The following SEC23B variants were observed in gnomAD, a reference collection of about 807,000 sequenced individuals.
The protein encoded by SEC23B is SEC23 homolog B, COPII component.
In SEC23B, 77 loss-of-function variants were observed where a neutral mutation model predicts 104.3. The observed-to-expected ratio is 0.74, with a 90% CI of 0.61 to 0.89. The LOEUF is 0.89. SEC23B is among the 40% of genes least tolerant of loss of function. The pLI, the probability that SEC23B is intolerant of heterozygous loss-of-function variation, is 0.00. For synonymous variants in SEC23B, 338 were observed against 332.5 expected (o/e 1.02, Z -0.18); for missense variants, 885 against 949.4 (o/e 0.93, Z 0.89).
intron 4 of SEC23B, among the ~76,000 whole-genome samples, chr20:18,516,769 G>A (rs560082444): frequency 2.8e-4 from 43 of 151,826 alleles, no homozygotes; most frequent in African/African-American, 2.9e-4. Context: ...TAGCCAGGAT[G>A]GTCTCGTTCT....
At chr20:18,518,316 C>G (rs1054484303) in intron 4 of SEC23B, among the ~76,000 whole-genome samples, 3 of 152,172 alleles carry the variant, frequency 2.0e-5, no homozygotes, top group African/African-American at 7.2e-5. Context: ...TTTCCTGACT[C>G]AGGGCATGTG....
At chr20:18,514,362 G>T (rs2060006677) in intron 3 of SEC23B, among the ~76,000 whole-genome samples, 1 of 152,282 alleles carries the variant, frequency 6.6e-6, no homozygotes, top group East Asian at 1.9e-4. Context: ...TCCCTGCTGG[G>T]AGCTGCAGTC....
intron 19 of SEC23B, among the ~76,000 whole-genome samples, chr20:18,559,064 C>T (rs1229780963): frequency 2.7e-5 from 2 of 75,154 alleles, no homozygotes; most frequent in Non-Finnish European, 5.3e-5. Context: ...ACTACTCTGA[C>T]AGGGAAGGTG....
intron 14 of SEC23B, 101 bp from the exon 15 acceptor site, chr20:18,545,855 G>T (rs935406023): frequency 2.3e-5 from 18 of 781,372 alleles, no homozygotes; most frequent in Admixed American, 6.9e-5. Flanking sequence ...GTTCAGACTG[G>T]ATGTAGCTTA....
intron 17 of SEC23B, 62 bp downstream of exon 17, chr20:18,551,237 A>G (rs2060384792): frequency 4.6e-6 from 4 of 872,544 alleles, no homozygotes; most frequent in African/African-American, 1.7e-5. Context: ...AAAGGCATAC[A>G]CATTTAATGT....
chr20:18,557,199 C>T (rs2060447591), intron 19 of SEC23B, among the ~76,000 whole-genome samples: 1 of 152,086 alleles, frequency 6.6e-6, no homozygotes, highest in Non-Finnish European at 1.5e-5. Context: ...TCCTGCCTTC[C>T]CATGAGTTAT....
At chr20:18,545,481 C>T (rs1385108404) in intron 14 of SEC23B, among the ~76,000 whole-genome samples, 1 of 152,066 alleles carries the variant, frequency 6.6e-6, no homozygotes, top group Non-Finnish European at 1.5e-5. Flanking sequence ...GATGAACAGT[C>T]CAATTCTTTA....
At chr20:18,512,067 C>T (rs979115024) in intron 2 of SEC23B, among the ~76,000 whole-genome samples, 158 bp from the exon 3 acceptor site, 2 of 152,132 alleles carry the variant, frequency 1.3e-5, no homozygotes, top group African/African-American at 2.4e-5. Context: ...CTGCGGTGAA[C>T]GTTTTGCATA....
At chr20:18,542,455 T>G in intron 13 of SEC23B, 53 bp downstream of exon 13, 1 of 1,435,802 alleles carries the variant, frequency 7.0e-7, no homozygotes, top group South Asian at 1.1e-5. Flanking sequence ...ATTTTTCCCT[T>G]GAAGAGATAC....
At chr20:18,522,133 A>G (rs753454090) in intron 4 of SEC23B, among the ~76,000 whole-genome samples, 1 of 152,274 alleles carries the variant, frequency 6.6e-6, no homozygotes, top group Non-Finnish European at 1.5e-5. Flanking sequence ...GTAAGTTTAA[A>G]GAGAAGGGTA....
intron 10 of SEC23B, among the ~76,000 whole-genome samples, chr20:18,531,896 A>T (rs1342269307): frequency 1.7e-3 from 31 of 17,732 alleles, no homozygotes; most frequent in African/African-American, 2.5e-3. Flanking sequence ...CAAATGATTT[A>T]AAAAAAAAAA....
intron 4 of SEC23B, among the ~76,000 whole-genome samples, chr20:18,518,865 G>A (rs540823677): frequency 1.3e-5 from 2 of 152,212 alleles, no homozygotes; most frequent in Non-Finnish European, 2.9e-5. Flanking sequence ...TTTTATTAAA[G>A]AGACATTAAT....
At chr20:18,555,297 T>G in intron 19 of SEC23B, 124 bp downstream of exon 19, 1 of 810,294 alleles carries the variant, frequency 1.2e-6, no homozygotes, top group Non-Finnish European at 2.1e-6. Flanking sequence ...TTGGGTATTT[T>G]GCTGGGGAGT....
At chr20:18,560,521 G>C (rs538509435) in intron 19 of SEC23B, 130 bp from the exon 20 acceptor site, 5 of 740,104 alleles carry the variant, frequency 6.8e-6, no homozygotes, top group Non-Finnish European at 1.2e-5. Flanking sequence ...GGCAGAGGAT[G>C]GGGTGATGGG....
At position 18,551,205 on chromosome 20, in the gene SEC23B, CT is replaced by C. The variant is rs1568623344; in HGVS notation, c.1992+35del. 3.9e-6 allele frequency: 5 copies of C among 1,266,640 alleles called. No individual in the cohort carries two copies. In the African/African-American group the frequency reaches 7.5e-5, roughly 19 times the overall value. 78.5% of individuals were successfully genotyped at this position (1,266,640 alleles called of 1,614,324 possible). ...GATGATATTATTAATTAATTAATTT[CT>C]TTTTGTTTTTAAATTGGAGAAAAGG... On this transcript the variant is annotated intron_variant, in intron 17 of 19. Coordinates refer to ENST00000650089, the MANE Select transcript of SEC23B (RefSeq NM_006363.6).
intron 3 of SEC23B, among the ~76,000 whole-genome samples, chr20:18,514,423 T>C (rs887314350): frequency 2.0e-5 from 3 of 152,138 alleles, no homozygotes; most frequent in Non-Finnish European, 4.4e-5. Context: ...TGGCTCTGAC[T>C]GAGATTCTTG....
intron 14 of SEC23B, among the ~76,000 whole-genome samples, chr20:18,545,162 A>C (rs1037138518): frequency 1.3e-5 from 2 of 152,224 alleles, no homozygotes; most frequent in Non-Finnish European, 2.9e-5. Context: ...GATGACACCC[A>C]TCTGGCTCTA....
chr20:18,527,417 G>T, intron 8 of SEC23B, 79 bp from the exon 9 acceptor site: 2 of 833,378 alleles, frequency 2.4e-6, no homozygotes, highest in South Asian at 1.3e-5. Context: ...TTTTATATTT[G>T]ATTACCTCCT....
rs773819343 is a variant in SEC23B, at chr20:18,543,029, G to A, written c.1522G>A (p.Val508Ile). ...VTTIARNWAD[V>I]QSQLRHIEAA... The stretch of plus-strand genomic sequence containing the variant: ...CTCTGGAATTGTCAGTTGGGCAGAT[G>A]TACAGAGTCAGCTCAGGCACATAGA... Residue 508 changes from valine to isoleucine, a missense_variant, in exon 14 of 20, where the codon GTA (valine) becomes ATA (isoleucine). Physicochemically the swap from Val to Ile is conservative, Grantham distance 29 (BLOSUM62 3). Transcript: ENST00000650089. 4 of 1,614,048 alleles carry A rather than the reference G, an allele frequency of 2.5e-6. No homozygotes were observed. The highest frequency in any genetic ancestry group is 3.4e-6 in the Non-Finnish European group (4 of 1,180,036).
Sources: gnomAD v4.1 joint callset for allele counts (sites outside exome capture counted in the v4.1 genomes callset) on GRCh38, gnomAD v4.1.1 for gene constraint, MANE v1.5 for transcripts, NCBI Gene and HGNC (gene_info 2026-07-23, HGNC 2026-07-21) for gene names.